IGSF10: variants seen among roughly 807,000 people sequenced by gnomAD.
IGSF10 encodes the protein immunoglobulin superfamily member 10, also known as calvaria mechanical force protein 608.
In IGSF10, 126 loss-of-function variants were observed where a neutral mutation model predicts 128.2. The observed-to-expected ratio is 0.98, with a 90% confidence interval of 0.85 to 1.14. The LOEUF is 1.14. Ranked by LOEUF, IGSF10 falls within the 50% of genes most tolerant of loss-of-function variation. The probability of loss-of-function intolerance (pLI) is 0.00; values close to 1 mark genes in which losing one functional copy is unlikely to be tolerated. For missense variants in IGSF10, 3,295 were observed against 3,149.8 expected, an observed-to-expected ratio of 1.05 and a Z score of -1.10; for synonymous variants, 1,185 against 1,146.2, an observed-to-expected ratio of 1.03 and a Z score of -0.68.
the IGSF10 span, among the ~76,000 whole-genome samples, chr3:151,504,840 T>G: frequency 2.0e-5 from 3 of 152,242 alleles, no homozygotes; most frequent in Non-Finnish European, 4.4e-5. Context: ...TCTGTACTGA[T>G]AAGATTTGGC....
the IGSF10 span, among the ~76,000 whole-genome samples, chr3:151,598,070 GGTGTGTGTGTGTGTGTGTGTGTGTGT>G: frequency 1.5e-5 from 2 of 137,686 alleles, no homozygotes; most frequent in African/African-American, 5.4e-5. Context: ...AATGAGTACT[GGTGTGTGTGTGTGTGTGTGTGTGTGT>G]GTGTGTGTGT....
At chr3:151,486,541 T>G in the IGSF10 span, among the ~76,000 whole-genome samples, 1 of 152,194 alleles carries the variant, frequency 6.6e-6, no homozygotes, top group Non-Finnish European at 1.5e-5. Flanking sequence ...TTTTACTTAT[T>G]CTAAAACTGA....
In IGSF10 at chr3:151,447,703, A is replaced by G; in HGVS notation, c.2278T>C (p.Leu760=). 1.2e-6 allele frequency: 2 copies of G among 1,614,150 alleles called. No homozygotes were observed. Among genetic ancestry groups the G allele is most frequent in the East Asian group, 2.2e-5 (1 of 44,886 alleles). The change falls in exon 6 of 8, where the codon TTG becomes CTG. Residue 760 remains leucine (L), a synonymous_variant. Coordinates refer to ENST00000282466, the MANE Select transcript of IGSF10 (RefSeq NM_178822.5). ...RIDPQHWAAL[L]EKAKKNAMPD... The stretch of plus-strand genomic sequence containing the variant: ...ATAGCATTCTTTTTAGCTTTCTCCA[A>G]CAGTGCCGCCCAATGTTGTGGGTCA...
rs1292025674 is a variant in IGSF10 at position 151,437,258 on chromosome 3, G to C, written c.7303C>G (p.Leu2435Val). 3 of 1,614,200 alleles carry C rather than the reference G, an allele frequency of 1.9e-6. No homozygotes were observed. Among genetic ancestry groups the C allele is most frequent in the Non-Finnish European group, 1.7e-6 (2 of 1,180,032 alleles). Residue 2435 changes from leucine (L) to valine (V), a missense_variant, in exon 8 of 8, where the codon CTT (leucine) becomes GTT (valine). Transcript: ENST00000282466. ...ILEIGQKPVI[L>V]TYAPGTVKGI... ...TTTACTGTCCCTGGTGCATAGGTAA[G>C]AATAACTGGCTTCTGGCCAATTTCT...
At chr3:151,548,056 T>C in the IGSF10 span, among the ~76,000 whole-genome samples, 1 of 152,192 alleles carries the variant, frequency 6.6e-6, no homozygotes, top group Non-Finnish European at 1.5e-5. Flanking sequence ...ACCTTCCCTT[T>C]GAATCTGCAT....
chr3:151,618,501 C>T, the IGSF10 span, among the ~76,000 whole-genome samples: 3 of 152,036 alleles, frequency 2.0e-5, no homozygotes, highest in Admixed American at 6.5e-5. Flanking sequence ...GAGGCCGAGG[C>T]GGGTGGATCA....
At chr3:151,439,865 T>C (rs1398125847) in intron 7 of IGSF10, among the ~76,000 whole-genome samples, 1 of 152,228 alleles carries the variant, frequency 6.6e-6, no homozygotes, top group Non-Finnish European at 1.5e-5. Context: ...CAACTGGTGC[T>C]AAAAGTGCTA....
At chr3:151,452,350 TC>T (rs1721550018) in intron 5 of IGSF10, among the ~76,000 whole-genome samples, 1 of 152,220 alleles carries the variant, frequency 6.6e-6, no homozygotes, top group Admixed American at 6.5e-5. Context: ...AGCCTACTGC[TC>T]CTAGGCTACA....
the IGSF10 span, among the ~76,000 whole-genome samples, chr3:151,569,102 T>C: frequency 6.6e-6 from 1 of 152,202 alleles, no homozygotes; most frequent in Non-Finnish European, 1.5e-5. Flanking sequence ...GACCGAATCT[T>C]GCTCTGTTGT....
At chr3:151,534,497 C>T in the IGSF10 span, among the ~76,000 whole-genome samples, 2 of 152,114 alleles carry the variant, frequency 1.3e-5, no homozygotes, top group Admixed American at 6.5e-5. Context: ...AGTTCATGTC[C>T]TTTTCCGGGA....
the IGSF10 span, among the ~76,000 whole-genome samples, chr3:151,518,373 C>G: frequency 2.0e-5 from 3 of 152,050 alleles, no homozygotes; most frequent in Non-Finnish European, 4.4e-5. Context: ...TCAGCCTACT[C>G]TGGCTCAGGA....
chr3:151,543,333 A>G, the IGSF10 span, among the ~76,000 whole-genome samples: 1 of 152,108 alleles, frequency 6.6e-6, no homozygotes, highest in African/African-American at 2.4e-5. Context: ...TCAGCAGCTT[A>G]CCCACATTAG....
the IGSF10 span, among the ~76,000 whole-genome samples, chr3:151,598,374 CTCT>C: frequency 1.3e-5 from 2 of 152,044 alleles, no homozygotes; most frequent in African/African-American, 4.8e-5. Context: ...AAAGAGAAAA[CTCT>C]TGATTGTTTG....
chr3:151,613,048 A>C, the IGSF10 span, among the ~76,000 whole-genome samples: 1 of 152,222 alleles, frequency 6.6e-6, no homozygotes, highest in Non-Finnish European at 1.5e-5. Flanking sequence ...CACCAATAAC[A>C]GACAAACAGA....
At chr3:151,590,429 A>G in the IGSF10 span, among the ~76,000 whole-genome samples, 1 of 152,224 alleles carries the variant, frequency 6.6e-6, no homozygotes, top group Non-Finnish European at 1.5e-5. Flanking sequence ...TTTGATTACC[A>G]GAGGAAGAGC....
At chr3:151,527,077 T>A in the IGSF10 span, among the ~76,000 whole-genome samples, 74 of 152,264 alleles carry the variant, frequency 4.9e-4, no homozygotes, top group African/African-American at 9.9e-4. Flanking sequence ...TAGAAAAAAA[T>A]TTTTTTCCCT....
At chr3:151,607,973 T>C in the IGSF10 span, among the ~76,000 whole-genome samples, 11 of 137,536 alleles carry the variant, frequency 8.0e-5, no homozygotes, top group East Asian at 2.3e-3. Context: ...AGAGTTCCTA[T>C]AGACATAAAA....
the IGSF10 span, among the ~76,000 whole-genome samples, chr3:151,556,501 A>T: frequency 6.6e-6 from 1 of 152,132 alleles, no homozygotes; most frequent in African/African-American, 2.4e-5. Context: ...TGGAGAGAAA[A>T]ACTGAACAAG....
intron 6 of IGSF10, among the ~76,000 whole-genome samples, chr3:151,444,365 T>C (rs1390255144): frequency 2.0e-5 from 3 of 152,232 alleles, no homozygotes; most frequent in African/African-American, 7.2e-5. Context: ...TGGAGTGCAA[T>C]GGCACAATCT....
Sources: gnomAD v4.1 joint callset for allele counts (sites outside exome capture counted in the v4.1 genomes callset) on GRCh38, gnomAD v4.1.1 for gene constraint, MANE v1.5 for transcripts, NCBI Gene and HGNC (gene_info 2026-07-23, HGNC 2026-07-21) for gene names.